The following GARIN3 variants were observed in gnomAD, a reference collection of about 807,000 sequenced individuals.
GARIN3 encodes Golgi-associated RAB2 interactor protein 3.
chr5:157,162,209 C>T, the GARIN3 span: 30 of 574,140 alleles, frequency 5.2e-5, no homozygotes, highest in South Asian at 1.5e-4. Context: ...TGGCCGTGGG[C>T]GGGTGGTGGA....
chr5:157,165,192 A>AAGCTAC, the GARIN3 span, among the ~76,000 whole-genome samples: 1 of 152,176 alleles, frequency 6.6e-6, no homozygotes, highest in Non-Finnish European at 1.5e-5. Flanking sequence ...CACACACACA[A>AAGCTAC]AGCTACACCT....
chr5:157,165,564 A>G, the GARIN3 span: 2 of 1,607,646 alleles, frequency 1.2e-6, no homozygotes, highest in South Asian at 2.2e-5. Flanking sequence ...GAGGCTTACC[A>G]CTAGGCTTTT....
the GARIN3 span, among the ~76,000 whole-genome samples, chr5:157,163,928 A>C: frequency 1.3e-5 from 2 of 152,092 alleles, no homozygotes; most frequent in African/African-American, 4.8e-5. Flanking sequence ...AGGATGGCGC[A>C]TGCCTGTAAT....
chr5:157,166,113 C>T, the GARIN3 span: 1 of 1,614,180 alleles, frequency 6.2e-7, no homozygotes, highest in Non-Finnish European at 8.5e-7. Context: ...TTTGAACGCA[C>T]TCATTGAAGA....
chr5:157,163,002 A>G, the GARIN3 span: 10 of 1,614,078 alleles, frequency 6.2e-6, no homozygotes, highest in African/African-American at 1.3e-4. Context: ...AGACTTCAGC[A>G]CTGGGCTGGG....
At chr5:157,166,040 A>G in the GARIN3 span, 1 of 1,614,170 alleles carries the variant, frequency 6.2e-7, no homozygotes, top group Non-Finnish European at 8.5e-7. Context: ...ACATTGGTGC[A>G]TACTTGAAAA....
the GARIN3 span, chr5:157,162,603 A>G: frequency 3.7e-6 from 6 of 1,614,004 alleles, no homozygotes; most frequent in Middle Eastern, 1.6e-4. Context: ...CCTCTCTGTC[A>G]TGTGATGTGA....
At chr5:157,163,654 G>A in the GARIN3 span, 1 of 1,612,204 alleles carries the variant, frequency 6.2e-7, no homozygotes, top group Non-Finnish European at 8.5e-7. Flanking sequence ...GTGGAGCTCT[G>A]CAGCCTATAC....
At chr5:157,164,977 C>G in the GARIN3 span, among the ~76,000 whole-genome samples, 2 of 152,118 alleles carry the variant, frequency 1.3e-5, no homozygotes, top group Non-Finnish European at 1.5e-5. Flanking sequence ...CGAGATCGTG[C>G]CATTGCACTC....
the GARIN3 span, chr5:157,163,053 G>A: frequency 2.2e-4 from 363 of 1,614,222 alleles, 1 homozygote; most frequent in South Asian, 1.1e-3. Flanking sequence ...TGTAGCCTTC[G>A]CTTTGCAAGG....
chr5:157,163,416 T>G, the GARIN3 span: 1 of 1,614,210 alleles, frequency 6.2e-7, no homozygotes, highest in African/African-American at 1.3e-5. Context: ...CCCCTGCTAT[T>G]GCCACATCTG....
chr5:157,166,101 G>A, the GARIN3 span: 5 of 1,614,046 alleles, frequency 3.1e-6, no homozygotes, highest in African/African-American at 5.3e-5. Flanking sequence ...CCCCATGGAG[G>A]TTTTGAACGC....
the GARIN3 span, chr5:157,163,240 C>T: frequency 6.2e-7 from 1 of 1,613,996 alleles, no homozygotes; most frequent in African/African-American, 1.3e-5. Context: ...CAAGGCCAAG[C>T]TAATACCCTC....
the GARIN3 span, chr5:157,165,846 C>G: frequency 6.2e-7 from 1 of 1,614,118 alleles, no homozygotes; most frequent in Non-Finnish European, 8.5e-7. Context: ...GCGACCTCTC[C>G]CCTTGGCAAA....
the GARIN3 span, among the ~76,000 whole-genome samples, chr5:157,165,390 C>T: frequency 6.6e-6 from 1 of 152,306 alleles, no homozygotes; most frequent in Admixed American, 6.5e-5. Flanking sequence ...ACAAGCCCTC[C>T]CACCTCCCAG....
At chr5:157,166,226 C>T in the GARIN3 span, 376 of 1,557,366 alleles carry the variant, frequency 2.4e-4, no homozygotes, top group African/African-American at 4.2e-3. Context: ...GAGAGAGAGA[C>T]GGAGAGAAGG....
chr5:157,162,209 C>A, the GARIN3 span: 8 of 574,028 alleles, frequency 1.4e-5, no homozygotes, highest in Non-Finnish European at 2.4e-5. Flanking sequence ...TGGCCGTGGG[C>A]GGGTGGTGGA....
chr5:157,166,222 G>A, the GARIN3 span: 8 of 1,558,752 alleles, frequency 5.1e-6, no homozygotes, highest in East Asian at 2.2e-5. Context: ...CCCCGAGAGA[G>A]AGACGGAGAG....
chr5:157,165,683 T>G, the GARIN3 span: 55 of 1,614,054 alleles, frequency 3.4e-5, no homozygotes, highest in Admixed American at 1.3e-4. Context: ...AAAAGAGATC[T>G]TCCCGTGTGT....
Sources: gnomAD v4.1 joint callset for allele counts (sites outside exome capture counted in the v4.1 genomes callset) on GRCh38, gnomAD v4.1.1 for gene constraint, MANE v1.5 for transcripts, NCBI Gene and HGNC (gene_info 2026-07-23, HGNC 2026-07-21) for gene names.